AR: variants seen among roughly 807,000 people sequenced by gnomAD.
AR encodes the protein androgen receptor.
In AR, 8 loss-of-function variants were observed where a neutral mutation model predicts 53.9. The observed-to-expected ratio is 0.15, with a 90% CI of 0.09 to 0.27. AR has a LOEUF of 0.27. Among genes scored for constraint, AR ranks in the 10% least tolerant of loss-of-function variants. The pLI is 1.00. For missense variants in AR, 639 were observed against 742.5 expected (o/e 0.86, Z 1.62); for synonymous variants, 359 against 316.4 (o/e 1.13, Z -1.43).
intron 2 of AR, among the ~76,000 whole-genome samples, chrX:67,672,726 C>T (rs1477439729): frequency 9.0e-6 from 1 of 111,223 alleles, no homozygotes; most frequent in East Asian, 2.9e-4. Flanking sequence ...AAAGTAGTTT[C>T]AGTTATTACT....
At chrX:67,705,264 C>A (rs2076061137) in intron 3 of AR, among the ~76,000 whole-genome samples, 1 of 111,510 alleles carries the variant, frequency 9.0e-6, no homozygotes, top group African/African-American at 3.3e-5. Context: ...GATATTGATT[C>A]TTCCTACCCA....
At chrX:67,689,567 GT>G in intron 3 of AR, 1 of 962,951 alleles carries the variant, frequency 1.0e-6, no homozygotes, top group Non-Finnish European at 1.3e-6. Flanking sequence ...AGCTGTTGTT[GT>G]TTCTGAAAGA....
intron 1 of AR, among the ~76,000 whole-genome samples, chrX:67,642,603 G>T (rs1482319390): frequency 9.0e-6 from 1 of 111,229 alleles, no homozygotes; most frequent in African/African-American, 3.3e-5. Flanking sequence ...GGAATCTGGC[G>T]GATGTCCATG....
Position 67,725,808 on chromosome X carries a change from A to G in AR, c.*1967A>G, listed in dbSNP as rs2076155276. 2 of 173,999 alleles carry G rather than the reference A, an allele frequency of 1.1e-5. No homozygotes were observed. Among genetic ancestry groups the G allele is most frequent in the Admixed American group, 1.6e-4 (2 of 12,658 alleles). The allele number at this position is 173,999 out of a possible 1,213,427, so 14.3% of individuals were successfully genotyped here. A position where few individuals can be genotyped will look rare whatever the true frequency, so the allele number is the denominator to read the frequency against. ...GAAAGGTCTGGTTGGTGTGGCTCCA[A>G]TACTTTGCCACCCATGAACTCAGGG... On this transcript the variant is annotated 3_prime_UTR_variant, in exon 8 of 8. Transcript: ENST00000374690.
intron 2 of AR, among the ~76,000 whole-genome samples, chrX:67,664,700 C>T (rs1415530089): frequency 8.9e-6 from 1 of 112,451 alleles, no homozygotes; most frequent in Non-Finnish European, 1.9e-5. Flanking sequence ...TTCGGCTATG[C>T]CCTGCCCCCA....
At chrX:67,685,965 GA>G in intron 2 of AR, 44 bp from the exon 3 acceptor site, 3 of 1,207,738 alleles carry the variant, frequency 2.5e-6, no homozygotes, top group Non-Finnish European at 3.4e-6. Context: ...AGAGACTCTG[GA>G]AACTCATTAT....
intron 2 of AR, among the ~76,000 whole-genome samples, chrX:67,663,093 G>A (rs1472241443): frequency 1.8e-5 from 2 of 111,787 alleles, no homozygotes; most frequent in African/African-American, 6.5e-5. Flanking sequence ...GCCAGTCTGT[G>A]TCTTTTAATT....
At chrX:67,708,865 G>T (rs1474470435) in intron 3 of AR, among the ~76,000 whole-genome samples, 2 of 112,319 alleles carry the variant, frequency 1.8e-5, no homozygotes, top group African/African-American at 6.5e-5. Context: ...TAACAGTCAG[G>T]ACCCTCAGCT....
At chrX:67,598,238 C>T (rs1923170269) in intron 1 of AR, among the ~76,000 whole-genome samples, 1 of 109,444 alleles carries the variant, frequency 9.1e-6, no homozygotes, top group Admixed American at 9.8e-5. Flanking sequence ...AAACTCACTG[C>T]TTAAATAAGC....
At chrX:67,579,951 A>G (rs1162548950) in intron 1 of AR, among the ~76,000 whole-genome samples, 2 of 111,142 alleles carry the variant, frequency 1.8e-5, no homozygotes, top group African/African-American at 3.3e-5. Flanking sequence ...GAGTAGTACC[A>G]TAAGTTGTTA....
intron 1 of AR, among the ~76,000 whole-genome samples, chrX:67,564,464 T>C (rs1040157381): frequency 8.9e-6 from 1 of 112,168 alleles, no homozygotes; most frequent in African/African-American, 3.2e-5. Flanking sequence ...AGTGTCATTA[T>C]TGGTATGTTC....
At chrX:67,723,220 G>A (rs1278139530) in intron 7 of AR, among the ~76,000 whole-genome samples, 1 of 108,893 alleles carries the variant, frequency 9.2e-6, no homozygotes, top group Non-Finnish European at 1.9e-5. Flanking sequence ...CTCAGGGAAG[G>A]GACTTGCAGC....
rs2076151681 is a variant in AR at position 67,724,802 on chromosome X, C to T, written c.*961C>T. 1 of 173,786 alleles carries T rather than the reference C, an allele frequency of 5.8e-6. No homozygotes were observed. The highest frequency in any genetic ancestry group is 3.0e-5 in the African/African-American group (1 of 33,731). The allele number at this position is 173,786 out of a possible 1,213,427, so 14.3% of individuals were successfully genotyped here. On this transcript the variant is annotated 3_prime_UTR_variant, in exon 8 of 8. Transcript: ENST00000374690. ...TTCTAAGACCTTTGAACTGAATGTT[C>T]TCTTCAGCCAAAACTTGGCGACTTC...
At chrX:67,576,955 G>A in intron 1 of AR, among the ~76,000 whole-genome samples, 1 of 107,850 alleles carries the variant, frequency 9.3e-6, no homozygotes, top group Non-Finnish European at 1.9e-5. Flanking sequence ...GTACCATAAA[G>A]CATACCCATT....
In AR at chrX:67,550,672, C is replaced by A. The variant is rs745396570; in HGVS notation, c.1616+3910C>A. Among the ~76,000 whole-genome samples, 7 of 105,700 alleles carry A rather than the reference C, an allele frequency of 6.6e-5. 1 individual carries two copies. In the South Asian group the frequency reaches 2.9e-3, roughly 43 times the overall value. The allele number at this position is 105,700 out of a possible 115,157, so 91.8% of individuals were successfully genotyped here. A position where few individuals can be genotyped will look rare whatever the true frequency, so the allele number is the denominator to read the frequency against. Reference sequence around the variant, plus strand: ...TCTGAAAAATAAAAAAAAAAAAAACCAAACAAAAAAATCAAGTTTTGTGAG... The same window carrying A: ...TCTGAAAAATAAAAAAAAAAAAAACAAAACAAAAAAATCAAGTTTTGTGAG... On this transcript the variant is annotated intron_variant, in intron 1 of 7. Coordinates refer to ENST00000374690, the MANE Select transcript of AR (RefSeq NM_000044.6).
rs1929675631 is a variant in AR at position 67,545,403 on chromosome X, A to G, written c.257A>G (p.Gln86Arg). The G allele has an allele frequency of 8.9e-7, 1 of 1,118,922 alleles. No homozygotes were observed. The allele number at this position is 1,118,922 out of a possible 1,213,427, so 92.2% of individuals were successfully genotyped here. Reference protein sequence around the residue: ...QQQQQETSPRQQQQQQGEDGS... With the variant: ...QQQQQETSPRRQQQQQGEDGS... ...CAGCAGCAAGAGACTAGCCCCAGGC[A>G]GCAGCAGCAGCAGCAGGGTGAGGAT... is the stretch of plus-strand genomic sequence containing the variant. The change falls in exon 1 of 8, where the codon CAG (glutamine) becomes CGG (arginine). Residue 86 changes from glutamine (Q) to arginine (R), a missense_variant. By Grantham distance (43) the Gln-to-Arg change is conservative. This residue lies in a region of AR where 55 missense variants were observed against 84.8 expected (regional missense o/e 0.65). Transcript: ENST00000374690.
intron 1 of AR, 48 bp downstream of exon 1, chrX:67,546,810 C>T: frequency 8.7e-7 from 1 of 1,154,148 alleles, no homozygotes; most frequent in Non-Finnish European, 1.2e-6. Context: ...AGGGCAGAGT[C>T]ACTCTGTGTT....
chrX:67,576,879 A>G (rs1364621287), intron 1 of AR, among the ~76,000 whole-genome samples: 3 of 110,346 alleles, frequency 2.7e-5, no homozygotes, highest in Non-Finnish European at 5.7e-5. Context: ...TGGAAAAAAA[A>G]TTGGTGGTAA....
chrX:67,615,144 G>A (rs1157722810), intron 1 of AR, among the ~76,000 whole-genome samples: 3 of 110,117 alleles, frequency 2.7e-5, no homozygotes, highest in Non-Finnish European at 5.7e-5. Flanking sequence ...AGAAGGGAAA[G>A]AAAAGAGCAG....
Sources: gnomAD v4.1 joint callset for allele counts (sites outside exome capture counted in the v4.1 genomes callset) on GRCh38, gnomAD v4.1.1 for gene constraint, gnomAD v4.1.1 regional missense constraint, MANE v1.5 for transcripts, NCBI Gene and HGNC (gene_info 2026-07-23, HGNC 2026-07-21) for gene names.